FBRSL1: variants seen among roughly 807,000 people sequenced by gnomAD.
The protein encoded by FBRSL1 is fibrosin-1-like protein.
FBRSL1 carries 51 observed loss-of-function variants against 89.6 expected under a neutral mutation model. The observed-to-expected ratio is 0.57, with a 90% confidence interval of 0.45 to 0.72. The LOEUF (loss-of-function observed/expected upper bound fraction) is 0.72, where lower values mean the gene tolerates loss of function less well. Among genes scored for constraint, FBRSL1 ranks in the 30% least tolerant of loss-of-function variants. The pLI is 0.00. For missense variants in FBRSL1, 1,618 were observed against 1,451.8 expected (o/e 1.11, Z -1.86); for synonymous variants, 779 against 681.1 (o/e 1.14, Z -2.24).
chr12:132,548,690 C>T (rs546236697), intron 5 of FBRSL1, among the ~76,000 whole-genome samples: 3 of 152,298 alleles, frequency 2.0e-5, no homozygotes, highest in South Asian at 2.1e-4. Flanking sequence ...CCCCGGAGGG[C>T]GAGGAGGCCA....
At position 132,570,372 on chromosome 12, in the gene FBRSL1, G is replaced by T; in HGVS notation, c.1045G>T (p.Val349Leu). 1 of 1,533,554 alleles carries T rather than the reference G, an allele frequency of 6.5e-7. No individual in the cohort carries two copies. Among genetic ancestry groups the T allele is most frequent in the South Asian group, 1.2e-5 (1 of 83,554 alleles). 95.0% of individuals were successfully genotyped at this position (1,533,554 alleles called of 1,614,324 possible). The change falls in exon 8 of 19, where the codon GTG becomes TTG. Residue 349 changes from valine (V) to leucine (L), a missense_variant. Coordinates refer to ENST00000680143, the MANE Select transcript of FBRSL1 (RefSeq NM_001367871.1). ...SSAPLGLGKH[V>L]SLSPHGPGPH... ...CGCCCCCCTGGGCCTGGGGAAGCACGTGTCGCTGTCGCCACACGGGCCGGG... is the reference window on the plus strand; with the variant it reads ...CGCCCCCCTGGGCCTGGGGAAGCACTTGTCGCTGTCGCCACACGGGCCGGG...
At position 132,582,140 on chromosome 12, in the gene FBRSL1, G is replaced by A. The variant is rs1210354542; in HGVS notation, c.2075G>A (p.Arg692Gln). Residue 692 changes from arginine (R) to glutamine (Q), a missense_variant, in exon 18 of 19, where the codon CGA becomes CAA. Arg to Gln is a conservative substitution (Grantham distance 43). Transcript: ENST00000680143. ...CCCAGCCCCCATGAGGCCTGGAACCGACTGCACCGGGCACCGCCCTCCTTC... is the reference window on the plus strand; with the variant it reads ...CCCAGCCCCCATGAGGCCTGGAACCAACTGCACCGGGCACCGCCCTCCTTC... ...GLPSPHEAWNRLHRAPPSFPA... is the reference protein window; with the variant it reads ...GLPSPHEAWNQLHRAPPSFPA... 2.6e-6 allele frequency: 4 copies of A among 1,549,986 alleles called. No individual in the cohort carries two copies. The highest frequency in any genetic ancestry group is 3.5e-6 in the Non-Finnish European group (4 of 1,146,798).
Position 132,577,022 on chromosome 12 carries a change from T to A in FBRSL1, c.1834+91T>A, listed in dbSNP as rs564944160. ...CTTCCTGTGCCAGGAGTGAGAGCGC[T>A]CTCTGGACCGCAGCACCAGCCTTTG... On this transcript the variant is annotated intron_variant, in intron 15 of 18. Transcript: ENST00000680143. The A allele has an allele frequency of 6.5e-4, 948 of 1,461,920 alleles. 4 individuals carry two copies. In the African/African-American group the frequency reaches 0.011, roughly 17 times the overall value. 90.6% of individuals were successfully genotyped at this position (1,461,920 alleles called of 1,614,324 possible).
chr12:132,555,789 C>T (rs538689810), intron 5 of FBRSL1, among the ~76,000 whole-genome samples: 1 of 152,290 alleles, frequency 6.6e-6, no homozygotes, highest in South Asian at 2.1e-4. Context: ...CGCCAGTCCT[C>T]GGATTTAGGT....
intron 4 of FBRSL1, among the ~76,000 whole-genome samples, chr12:132,531,316 C>T (rs749005744): frequency 1.6e-4 from 24 of 152,136 alleles, no homozygotes; most frequent in Admixed American, 5.2e-4. Flanking sequence ...TCCCTGAGGC[C>T]TCAGACTCCT....
intron 4 of FBRSL1, among the ~76,000 whole-genome samples, chr12:132,545,074 C>G (rs548881868): frequency 6.6e-6 from 1 of 151,236 alleles, no homozygotes; most frequent in East Asian, 1.9e-4. Context: ...AGCATGGGGC[C>G]GTGCGGCACG....
intron 1 of FBRSL1, among the ~76,000 whole-genome samples, chr12:132,504,458 G>A (rs547746522): frequency 5.9e-5 from 9 of 152,294 alleles, no homozygotes; most frequent in Middle Eastern, 3.4e-3. Flanking sequence ...GGAGCAGGGA[G>A]GTCTGGGGCC....
intron 5 of FBRSL1, among the ~76,000 whole-genome samples, chr12:132,558,719 G>A (rs2038873426): frequency 6.6e-6 from 1 of 152,234 alleles, no homozygotes; most frequent in Admixed American, 6.5e-5. Context: ...GAACCCGTGT[G>A]GGAGCTGCTC....
At chr12:132,511,704 G>C (rs3751300) in intron 2 of FBRSL1, 2 of 982,260 alleles carry the variant, frequency 2.0e-6, no homozygotes, top group African/African-American at 3.5e-5. Context: ...GGTGTCCCTG[G>C]CTCCCAGGCC....
intron 4 of FBRSL1, among the ~76,000 whole-genome samples, chr12:132,536,678 CGT>C (rs935198309): frequency 2.9e-4 from 42 of 144,250 alleles, no homozygotes; most frequent in African/African-American, 8.6e-4. Flanking sequence ...GTGTACATGA[CGT>C]GTGAGTGCAC....
In FBRSL1 at chr12:132,569,951, C is replaced by A; in HGVS notation, c.717C>A (p.Ala239=). 1 of 1,426,746 alleles carries A rather than the reference C, an allele frequency of 7.0e-7. No homozygotes were observed. The allele number at this position is 1,426,746 out of a possible 1,614,324, so 88.4% of individuals were successfully genotyped here. A position where few individuals can be genotyped will look rare whatever the true frequency, so the allele number is the denominator to read the frequency against. ...GCCCAGCGCTTGAGAAGTCGGAGGC[C>A]AAGGCCGGGCCGGTGCCCAAGGTGT... ...DKGPALEKSE[A]KAGPVPKVSG... is the part of the protein sequence containing the mutation. Residue 239 remains alanine (A), a synonymous_variant, in exon 7 of 19, where the codon GCC becomes GCA. Coordinates refer to ENST00000680143, the MANE Select transcript of FBRSL1 (RefSeq NM_001367871.1).
chr12:132,582,850 C>G (rs1267341942), intron 18 of FBRSL1, 121 bp from the exon 19 acceptor site: 7 of 760,470 alleles, frequency 9.2e-6, no homozygotes, highest in Non-Finnish European at 1.3e-5. Flanking sequence ...GCTGTGGGTG[C>G]TGAGGGGTCA....
chr12:132,509,404 G>C, intron 2 of FBRSL1: 2 of 1,242,410 alleles, frequency 1.6e-6, no homozygotes, highest in Non-Finnish European at 2.0e-6. Context: ...CAGCCCCGGC[G>C]GTCACTTCTG....
intron 15 of FBRSL1, among the ~76,000 whole-genome samples, chr12:132,578,573 T>A (rs1301729143): frequency 6.6e-6 from 1 of 151,996 alleles, no homozygotes; most frequent in Non-Finnish European, 1.5e-5. Context: ...CATGCACACG[T>A]ACATACCCAC....
chr12:132,520,041 C>T (rs989082273), intron 2 of FBRSL1, among the ~76,000 whole-genome samples: 2 of 151,998 alleles, frequency 1.3e-5, no homozygotes, highest in East Asian at 1.9e-4. Flanking sequence ...CCCCCACCAG[C>T]AGGTACACAG....
At chr12:132,511,801 G>A (rs2136654426) in intron 2 of FBRSL1, 3 of 985,314 alleles carry the variant, frequency 3.0e-6, no homozygotes, top group Non-Finnish European at 3.6e-6. Context: ...AGCCTCTGGT[G>A]CAGCATCTGC....
At chr12:132,502,015 G>A (rs1374969466) in intron 1 of FBRSL1, among the ~76,000 whole-genome samples, 2 of 152,226 alleles carry the variant, frequency 1.3e-5, no homozygotes, top group South Asian at 2.1e-4. Flanking sequence ...TTATTGTGAG[G>A]AAGTCTGTTT....
At chr12:132,555,844 G>T (rs1198353337) in intron 5 of FBRSL1, among the ~76,000 whole-genome samples, 3 of 152,216 alleles carry the variant, frequency 2.0e-5, no homozygotes, top group Non-Finnish European at 2.9e-5. Flanking sequence ...GTCAGGATGG[G>T]TGTGGGCTTG....
chr12:132,570,273 G>A, intron 7 of FBRSL1, 32 bp downstream of exon 7: 3 of 1,504,008 alleles, frequency 2.0e-6, no homozygotes, highest in Non-Finnish European at 2.7e-6. Flanking sequence ...GGGCCTGTGT[G>A]GTCTCAGGAT....
Sources: gnomAD v4.1 joint callset for allele counts (sites outside exome capture counted in the v4.1 genomes callset) on GRCh38, gnomAD v4.1.1 for gene constraint, MANE v1.5 for transcripts, NCBI Gene and HGNC (gene_info 2026-07-23, HGNC 2026-07-21) for gene names.